Variants in CNTN5 observed in about 807,000 individuals in gnomAD.
CNTN5 encodes the protein contactin 5.
In CNTN5, 77 loss-of-function variants were observed where a neutral mutation model predicts 129.1. The observed-to-expected ratio is 0.60, with a 90% confidence interval of 0.50 to 0.72. The LOEUF (loss-of-function observed/expected upper bound fraction) is 0.72. Among genes scored for constraint, CNTN5 ranks in the 30% least tolerant of loss-of-function variants. CNTN5 has a pLI of 0.00. For synonymous variants in CNTN5, 509 were observed against 465.6 expected (o/e 1.09, Z -1.20); for missense variants, 1,478 against 1,328.8 (o/e 1.11, Z -1.75).
At chr11:99,573,619 T>G (rs925428973) in intron 3 of CNTN5, among the ~76,000 whole-genome samples, 2 of 151,682 alleles carry the variant, frequency 1.3e-5, no homozygotes, top group East Asian at 2.0e-4. Context: ...TAGTTCCTAA[T>G]AAGCTTCCAG....
chr11:99,558,136 A>G (rs1254267273), intron 3 of CNTN5: 1 of 184,056 alleles, frequency 5.4e-6, no homozygotes, highest in Non-Finnish European at 1.2e-5. Context: ...TGATTCATCA[A>G]TATTATGGTT....
chr11:99,334,821 A>T (rs1433518047), intron 2 of CNTN5, among the ~76,000 whole-genome samples: 2 of 34,222 alleles, frequency 5.8e-5, no homozygotes, highest in Non-Finnish European at 1.1e-4. Flanking sequence ...TATATTTTTT[A>T]AAATAATTCT....
rs74816604 is a variant in CNTN5 at position 99,468,590 on chromosome 11, C to T, written c.-70-87555C>T. On this transcript the variant is annotated intron_variant, in intron 2 of 24. Coordinates refer to ENST00000524871, the MANE Select transcript of CNTN5 (RefSeq NM_014361.4). ...TTGCAATGTTTGCTTAGCTTCTTTC[C>T]ACTCAAATTCTTTCCATCTTCCAAG... Among the ~76,000 whole-genome samples, 31 of 151,988 alleles carry T rather than the reference C, an allele frequency of 2.0e-4. No individual in the cohort carries two copies. In the East Asian group the frequency reaches 6.0e-3, roughly 29 times the overall value.
chr11:99,639,712 G>A (rs1951700360), intron 3 of CNTN5, among the ~76,000 whole-genome samples: 1 of 151,810 alleles, frequency 6.6e-6, no homozygotes, highest in East Asian at 1.9e-4. Flanking sequence ...TTACAGGCAT[G>A]AGCCACTACG....
chr11:100,335,490 G>T (rs1421969577), intron 21 of CNTN5, among the ~76,000 whole-genome samples: 2 of 152,256 alleles, frequency 1.3e-5, no homozygotes, highest in East Asian at 3.9e-4. Context: ...AACCATCCTT[G>T]GTCAGGCACG....
rs555433741 is a variant in CNTN5 at position 99,396,993 on chromosome 11, A to G, written c.-71+71509A>G. Among the ~76,000 whole-genome samples the G allele has an allele frequency of 6.6e-5, 10 of 151,818 alleles. No homozygotes were observed. In the East Asian group the frequency reaches 1.9e-3, roughly 29 times the overall value. On this transcript the variant is annotated intron_variant, in intron 2 of 24. Transcript: ENST00000524871. ...TCCAACTTTATAGATGAGAAAATGG[A>G]GCATCTCAAAAAGTTTGACAAATTG...
At chr11:99,991,540 G>A (rs901321244) in intron 8 of CNTN5, among the ~76,000 whole-genome samples, 1 of 152,134 alleles carries the variant, frequency 6.6e-6, no homozygotes, top group African/African-American at 2.4e-5. Context: ...AACCCAACTT[G>A]AAATAACCAA....
At chr11:100,087,727 A>G (rs904333620) in intron 13 of CNTN5, among the ~76,000 whole-genome samples, 3 of 151,994 alleles carry the variant, frequency 2.0e-5, no homozygotes, top group Non-Finnish European at 2.9e-5. Context: ...TCATCAAATC[A>G]GAAAACTAAT....
chr11:99,757,708 A>G (rs1042761389), intron 3 of CNTN5, among the ~76,000 whole-genome samples: 1 of 152,040 alleles, frequency 6.6e-6, no homozygotes, highest in Admixed American at 6.6e-5. Flanking sequence ...ACAATATCTT[A>G]TGTAAACTTT....
intron 1 of CNTN5, among the ~76,000 whole-genome samples, chr11:99,297,633 C>T (rs1193204799): frequency 6.6e-6 from 1 of 152,050 alleles, no homozygotes; most frequent in Non-Finnish European, 1.5e-5. Context: ...GCCTTCCGGG[C>T]CTAATGAATA....
intron 3 of CNTN5, among the ~76,000 whole-genome samples, chr11:99,681,728 T>A (rs538060608): frequency 9.9e-5 from 15 of 152,202 alleles, no homozygotes; most frequent in Admixed American, 9.8e-4. Flanking sequence ...CCTATAATTA[T>A]GTTCATTTAT....
chr11:99,694,884 G>A (rs943451817), intron 3 of CNTN5, among the ~76,000 whole-genome samples: 3 of 152,080 alleles, frequency 2.0e-5, no homozygotes, highest in African/African-American at 4.8e-5. Flanking sequence ...CTTCCTGGTA[G>A]ATATCAAAAT....
chr11:100,077,755 A>T (rs533560734), intron 13 of CNTN5, among the ~76,000 whole-genome samples: 5 of 152,186 alleles, frequency 3.3e-5, no homozygotes, highest in African/African-American at 1.2e-4. Flanking sequence ...AGGTGGGAGG[A>T]TGGGTTGAGC....
chr11:99,999,790 A>C (rs2137461508), intron 8 of CNTN5, among the ~76,000 whole-genome samples: 1 of 152,224 alleles, frequency 6.6e-6, no homozygotes, highest in East Asian at 1.9e-4. Flanking sequence ...GGATTAAGAA[A>C]ATGTGGCACA....
chr11:99,927,060 CT>C (rs1284083710), intron 7 of CNTN5, among the ~76,000 whole-genome samples: 2 of 152,252 alleles, frequency 1.3e-5, no homozygotes, highest in Non-Finnish European at 2.9e-5. Context: ...ATTATGACTT[CT>C]TTTCCTAAAA....
chr11:99,409,755 G>A (rs984869935), intron 2 of CNTN5, among the ~76,000 whole-genome samples: 7 of 152,194 alleles, frequency 4.6e-5, no homozygotes, highest in Non-Finnish European at 1.0e-4. Context: ...GCCATCAAGT[G>A]TGGGTTGCAT....
At chr11:99,957,137 A>T in intron 8 of CNTN5, 128 bp downstream of exon 8, 1 of 798,660 alleles carries the variant, frequency 1.3e-6, no homozygotes, top group Non-Finnish European at 1.9e-6. Context: ...CCATATTTAG[A>T]CACTACATTT....
At chr11:99,379,382 T>G (rs1940385955) in intron 2 of CNTN5, among the ~76,000 whole-genome samples, 1 of 152,064 alleles carries the variant, frequency 6.6e-6, no homozygotes, top group Admixed American at 6.6e-5. Context: ...GGAAGATATT[T>G]TAATAACGAT....
chr11:100,099,027 G>A (rs56855952), intron 13 of CNTN5, among the ~76,000 whole-genome samples: 7,773 of 152,014 alleles, frequency 0.051, 292 homozygotes, highest in African/African-American at 0.11. Context: ...AAGACAAGTG[G>A]GAAAAACTGC....
Sources: allele counts gnomAD v4.1 joint callset (sites outside exome capture counted in the v4.1 genomes callset), GRCh38; gene constraint gnomAD v4.1.1; transcripts MANE v1.5; gene names NCBI Gene and HGNC (gene_info 2026-07-23, HGNC 2026-07-21).